The following APOLD1 variants were observed in gnomAD, a reference collection of about 807,000 sequenced individuals.
APOLD1 encodes apolipoprotein L domain containing 1, also known as apolipoprotein L domain-containing protein 1.
Under a neutral mutation model 15.3 loss-of-function variants are expected in APOLD1, and 22 were observed. The ratio of observed to expected loss-of-function variants is 1.44; its 90% CI spans 1.03 to 2.05. The LOEUF is 2.05. Among genes scored for constraint, APOLD1 ranks in the 30% most tolerant of loss-of-function variants. APOLD1 has a pLI of 0.00. For synonymous variants in APOLD1, 190 were observed against 167.4 expected (o/e 1.13, Z -1.04); for missense variants, 394 against 353.5 (o/e 1.11, Z -0.92).
At chr12:12,772,670 G>C (rs1393178595) in intron 1 of APOLD1, among the ~76,000 whole-genome samples, 1 of 152,126 alleles carries the variant, frequency 6.6e-6, no homozygotes, top group Non-Finnish European at 1.5e-5. Context: ...TTATTAAACA[G>C]TAGCAGGTTA....
At chr12:12,764,864 C>T (rs1696134263) in intron 1 of APOLD1, 1 of 199,844 alleles carries the variant, frequency 5.0e-6, no homozygotes, top group Admixed American at 5.5e-5. Flanking sequence ...CAAATAAACC[C>T]TGAACTCTCA....
chr12:12,734,807 G>A lies in APOLD1; in HGVS notation c.96+8711G>A, dbSNP rs541746443. ...GTGCCAGATATTGCTGCATTGTCGC[G>A]TGCAGTCTCTGGGAGCCTTTACTAA... is the stretch of plus-strand genomic sequence containing the variant. On this transcript the variant is annotated intron_variant, in intron 1 of 1. Transcript: ENST00000326765. Among the ~76,000 whole-genome samples, 41 of 152,310 alleles carry A rather than the reference G, an allele frequency of 2.7e-4. No homozygotes were observed. The South Asian group carries it at 7.5e-3, about 28-fold the overall frequency.
chr12:12,746,494 C>T (rs1448861594), intron 1 of APOLD1, among the ~76,000 whole-genome samples: 2 of 28,362 alleles, frequency 7.1e-5, no homozygotes, highest in African/African-American at 1.8e-4. Flanking sequence ...GAAACTCCAT[C>T]TCAAATAAAT....
intron 1 of APOLD1, among the ~76,000 whole-genome samples, chr12:12,748,906 C>A (rs1486996076): frequency 6.6e-6 from 1 of 152,102 alleles, no homozygotes; most frequent in Non-Finnish European, 1.5e-5. Flanking sequence ...TTTCATATTT[C>A]TAAACTTTAC....
intron 1 of APOLD1, among the ~76,000 whole-genome samples, chr12:12,772,068 A>G (rs963490947): frequency 1.3e-5 from 2 of 152,186 alleles, no homozygotes; most frequent in Non-Finnish European, 2.9e-5. Flanking sequence ...AAAAGAGTGA[A>G]AGATAAAAAT....
At chr12:12,764,687 A>G (rs761524048) in intron 1 of APOLD1, 1 of 503,936 alleles carries the variant, frequency 2.0e-6, no homozygotes. Context: ...CCCTTCCTGT[A>G]GTGTCTTATA....
Position 12,740,224 on chromosome 12 carries a change from G to A in APOLD1, c.96+14128G>A, listed in dbSNP as rs540202735. Reference sequence around the variant, plus strand: ...TCTTGATCTCCTGACCTCGTGATCCGCCTGCCTCAGCCTCCCAAAGTGCTG... The same window carrying A: ...TCTTGATCTCCTGACCTCGTGATCCACCTGCCTCAGCCTCCCAAAGTGCTG... On this transcript the variant is annotated intron_variant, in intron 1 of 1. Coordinates refer to the APOLD1 transcript ENST00000326765. Among the ~76,000 whole-genome samples the A allele has an allele frequency of 5.1e-4, 78 of 151,860 alleles. 1 individual carries two copies. Among genetic ancestry groups the A allele is most frequent in the Non-Finnish European group, 5.4e-4 (37 of 67,950 alleles).
chr12:12,776,094 G>A lies in APOLD1; in HGVS notation c.97-10815G>A, dbSNP rs778968911. ...AGAATAATAATGACCAACTTTCAGG[G>A]TGTTAGAAGATACACCCCTTGCTTC... On this transcript the variant is annotated intron_variant, in intron 1 of 1. Coordinates refer to the APOLD1 transcript ENST00000326765. Among the ~76,000 whole-genome samples the A allele has an allele frequency of 7.9e-5, 12 of 151,774 alleles. No individual in the cohort carries two copies. The South Asian group carries it at 8.3e-4, about 11-fold the overall frequency.
At chr12:12,766,368 G>C (rs895259594) in intron 1 of APOLD1, among the ~76,000 whole-genome samples, 1 of 152,216 alleles carries the variant, frequency 6.6e-6, no homozygotes, top group South Asian at 2.1e-4. Flanking sequence ...TGGAGATAAA[G>C]AGATGTTGTC....
Position 12,787,041 on chromosome 12 carries a change from G to C in APOLD1, c.136G>C (p.Glu46Gln). 7.3e-7 allele frequency: 1 copy of C among 1,374,478 alleles called. No homozygotes were observed. Among genetic ancestry groups the C allele is most frequent in the Non-Finnish European group, 9.3e-7 (1 of 1,074,562 alleles). The allele number at this position is 1,374,478 out of a possible 1,614,324, so 85.1% of individuals were successfully genotyped here. Residue 46 changes from glutamate (E) to glutamine (Q), a missense_variant, in exon 2 of 2, where the codon GAG becomes CAG. Coordinates refer to ENST00000356591, the MANE Select transcript of APOLD1 (RefSeq NM_030817.3). The surrounding 1 kb of genome is among the most constrained non-coding windows in gnomAD (Gnocchi z 4.9). ...CCTGCGCGAGGTGGCCCGGCGCCTG[G>C]AGCGCCTGCGCAGGCGCTCCCTCGT... ...LRLREVARRLERLRRRSLVAN... is the reference protein window; with the variant it reads ...LRLREVARRLQRLRRRSLVAN...
At chr12:12,726,406 G>T (rs151218296) in intron 1 of APOLD1, 3 of 442,108 alleles carry the variant, frequency 6.8e-6, no homozygotes, top group Admixed American at 3.4e-5. Context: ...GCGTGTGTAC[G>T]TTAAGATTTA....
At chr12:12,734,723 C>T (rs1946669882) in intron 1 of APOLD1, among the ~76,000 whole-genome samples, 1 of 152,112 alleles carries the variant, frequency 6.6e-6, no homozygotes, top group African/African-American at 2.4e-5. Context: ...GAACAATAAA[C>T]GTTTATAATC....
intron 1 of APOLD1, among the ~76,000 whole-genome samples, chr12:12,745,332 A>C (rs916362909): frequency 9.2e-5 from 14 of 152,160 alleles, no homozygotes; most frequent in African/African-American, 3.4e-4. Context: ...ACCTGAGGTC[A>C]GGAGTTCGTG....
rs1485703160 is a variant in APOLD1 at position 12,787,872 on chromosome 12, T to C, written c.*220T>C. ...GCTACGGACTTTTCAGTCTTCCTAG[T>C]GGAAAAATGTGACCCAAAAACTCTT... On this transcript the variant is annotated 3_prime_UTR_variant, in exon 2 of 2. Transcript: ENST00000356591. The surrounding 1 kb of genome is among the most constrained non-coding windows in gnomAD (Gnocchi z 4.9). The C allele has an allele frequency of 5.1e-6, 3 of 593,084 alleles. No homozygotes were observed. The highest frequency in any genetic ancestry group is 6.4e-5 in the East Asian group (2 of 31,216). 36.7% of individuals were successfully genotyped at this position (593,084 alleles called of 1,614,324 possible).
chr12:12,750,560 T>A (rs989224147), intron 1 of APOLD1, among the ~76,000 whole-genome samples: 1 of 147,998 alleles, frequency 6.8e-6, no homozygotes, highest in African/African-American at 2.4e-5. Context: ...AGAAACTTGA[T>A]AAAGGGAGGA....
chr12:12,765,438 T>G (rs1259732168), intron 1 of APOLD1, among the ~76,000 whole-genome samples: 2 of 152,102 alleles, frequency 1.3e-5, no homozygotes, highest in African/African-American at 4.8e-5. Context: ...ATATTTTGCA[T>G]AAAAAGAAAG....
At chr12:12,731,982 C>G (rs921536704) in intron 1 of APOLD1, among the ~76,000 whole-genome samples, 13 of 152,240 alleles carry the variant, frequency 8.5e-5, no homozygotes, top group African/African-American at 2.9e-4. Flanking sequence ...GAATCAGCCT[C>G]TTAAGGCCAG....
chr12:12,785,041 T>G (rs1352584080), upstream of APOLD1, among the ~76,000 whole-genome samples: 32 of 152,304 alleles, frequency 2.1e-4, no homozygotes, highest in Non-Finnish European at 1.5e-5. Context: ...ACCTGGAGTG[T>G]GCCCTTTCTG....
chr12:12,738,078 G>A (rs1426060708), intron 1 of APOLD1, among the ~76,000 whole-genome samples: 2 of 151,922 alleles, frequency 1.3e-5, no homozygotes, highest in East Asian at 1.9e-4. Context: ...TTACAACAAG[G>A]CCTGCATAAA....
Sources: gnomAD v4.1 joint callset for allele counts (sites outside exome capture counted in the v4.1 genomes callset) on GRCh38, gnomAD v4.1.1 for gene constraint, Gnocchi (gnomAD v3.1) non-coding constraint, MANE v1.5 for transcripts, NCBI Gene and HGNC (gene_info 2026-07-23, HGNC 2026-07-21) for gene names.